The following PPP3CA variants were observed in gnomAD, a reference collection of about 807,000 sequenced individuals.
PPP3CA encodes protein phosphatase 3 catalytic subunit alpha, also known as CAM-PRP catalytic subunit.
A neutral mutation model predicts 66.5 loss-of-function variants in PPP3CA; 14 were observed. The observed-to-expected ratio is 0.21, with a 90% confidence interval of 0.14 to 0.33. PPP3CA has a LOEUF of 0.33. Ranked by LOEUF, PPP3CA falls within the 10% of genes least tolerant of loss-of-function variation. The pLI is 1.00. For synonymous variants in PPP3CA, 232 were observed against 226.2 expected, an observed-to-expected ratio of 1.03 and a Z score of -0.23; for missense variants, 317 against 639.5, an observed-to-expected ratio of 0.50 and a Z score of 5.44.
chr4:101,216,361 C>T (rs1451353702), intron 1 of PPP3CA, among the ~76,000 whole-genome samples: 2 of 152,074 alleles, frequency 1.3e-5, no homozygotes, highest in Non-Finnish European at 2.9e-5. Context: ...CATAATTATA[C>T]ACTTTTGAAT....
intron 2 of PPP3CA, among the ~76,000 whole-genome samples, chr4:101,157,139 GT>G (rs1427582481): frequency 6.6e-6 from 1 of 152,186 alleles, no homozygotes; most frequent in Admixed American, 6.5e-5. Flanking sequence ...TCTCAGGGAA[GT>G]ATGGTTTGTC....
At chr4:101,232,813 T>A (rs1202400478) in intron 1 of PPP3CA, among the ~76,000 whole-genome samples, 1 of 151,792 alleles carries the variant, frequency 6.6e-6, no homozygotes. Flanking sequence ...GTTCTTTTAT[T>A]CTGAAAATGT....
chr4:101,345,151 G>T (rs1421723656), intron 1 of PPP3CA, among the ~76,000 whole-genome samples: 1 of 152,136 alleles, frequency 6.6e-6, no homozygotes, highest in Admixed American at 6.5e-5. Context: ...ATTTTCATGG[G>T]TATATGAATC....
chr4:101,173,415 A>G (rs914379503), intron 2 of PPP3CA, among the ~76,000 whole-genome samples: 29 of 152,212 alleles, frequency 1.9e-4, no homozygotes, highest in South Asian at 1.5e-3. Context: ...TTTTTTTTCA[A>G]ACAGCAAAGT....
chr4:101,244,093 C>T (rs750735756), intron 1 of PPP3CA, among the ~76,000 whole-genome samples: 2 of 152,096 alleles, frequency 1.3e-5, no homozygotes, highest in Non-Finnish European at 2.9e-5. Flanking sequence ...ATCATATCTT[C>T]CAAATATTTG....
chr4:101,026,119 C>T (rs747081879), intron 13 of PPP3CA, 58 bp from the exon 14 acceptor site: 25 of 1,416,166 alleles, frequency 1.8e-5, no homozygotes, highest in Non-Finnish European at 2.2e-5. Flanking sequence ...AAACAAAGGG[C>T]ACAGCTGTTG....
intron 1 of PPP3CA, among the ~76,000 whole-genome samples, chr4:101,212,481 G>A (rs1375050924): frequency 6.6e-6 from 1 of 152,076 alleles, no homozygotes; most frequent in African/African-American, 2.4e-5. Flanking sequence ...TTAGGGGAGG[G>A]AGAGCATCAG....
chr4:101,137,884 CAAA>C (rs34286966), intron 2 of PPP3CA, among the ~76,000 whole-genome samples: 1 of 121,116 alleles, frequency 8.3e-6, no homozygotes, highest in Non-Finnish European at 1.9e-5. Context: ...TGTCAGTCCA[CAAA>C]AAAAAAAAAA....
chr4:101,093,409 T>TG (rs1238696133), intron 6 of PPP3CA, among the ~76,000 whole-genome samples: 4 of 151,748 alleles, frequency 2.6e-5, no homozygotes, highest in African/African-American at 9.7e-5. Flanking sequence ...TACATTTGTT[T>TG]TTTTTTTTTT....
chr4:101,032,420 AG>A (rs1358613593), intron 11 of PPP3CA, 56 bp from the exon 12 acceptor site: 5 of 1,454,830 alleles, frequency 3.4e-6, no homozygotes, highest in Non-Finnish European at 4.8e-6. Context: ...TGAAAAAGAA[AG>A]AAATGACTGA....
chr4:101,248,695 C>G (rs1726570848), intron 1 of PPP3CA, among the ~76,000 whole-genome samples: 1 of 152,106 alleles, frequency 6.6e-6, no homozygotes, highest in African/African-American at 2.4e-5. Context: ...CCTCTTTTCC[C>G]AAAGGTACTA....
At chr4:101,343,962 G>A (rs1729900838) in intron 1 of PPP3CA, among the ~76,000 whole-genome samples, 1 of 152,016 alleles carries the variant, frequency 6.6e-6, no homozygotes, top group Non-Finnish European at 1.5e-5. Flanking sequence ...GTAAGCAAAT[G>A]CCATGGCATG....
intron 8 of PPP3CA, among the ~76,000 whole-genome samples, chr4:101,076,770 C>T (rs528139605): frequency 6.6e-5 from 10 of 152,286 alleles, no homozygotes; most frequent in African/African-American, 1.9e-4. Flanking sequence ...AATTTTCCTG[C>T]GAGCTTCTGT....
At chr4:101,292,723 T>C (rs1219906170) in intron 1 of PPP3CA, among the ~76,000 whole-genome samples, 2 of 152,194 alleles carry the variant, frequency 1.3e-5, no homozygotes, top group African/African-American at 2.4e-5. Context: ...CTTTTGGTCC[T>C]TAGGATAGGG....
At chr4:101,033,852 A>G (rs1454504892) in intron 11 of PPP3CA, among the ~76,000 whole-genome samples, 1 of 152,176 alleles carries the variant, frequency 6.6e-6, no homozygotes, top group East Asian at 1.9e-4. Context: ...TGGACATTTC[A>G]TATAAATAAA....
chr4:101,124,791 GAAA>G (rs1560614719), intron 2 of PPP3CA, among the ~76,000 whole-genome samples: 6 of 121,322 alleles, frequency 4.9e-5, no homozygotes, highest in African/African-American at 2.3e-4. Flanking sequence ...AAGAAAGAAA[GAAA>G]GAAAGAGAAA....
chr4:101,261,741 C>T (rs1315557376), intron 1 of PPP3CA, among the ~76,000 whole-genome samples: 1 of 151,982 alleles, frequency 6.6e-6, no homozygotes, highest in Non-Finnish European at 1.5e-5. Context: ...TAACTGTGAG[C>T]TCTGCAAATT....
chr4:101,243,490 A>C (rs1445750846), intron 1 of PPP3CA, among the ~76,000 whole-genome samples: 1 of 152,152 alleles, frequency 6.6e-6, no homozygotes, highest in Non-Finnish European at 1.5e-5. Context: ...GAAAAAAAAC[A>C]GCAACTATAC....
At chr4:101,049,576 A>G (rs1451495641) in intron 10 of PPP3CA, among the ~76,000 whole-genome samples, 1 of 152,084 alleles carries the variant, frequency 6.6e-6, no homozygotes, top group Non-Finnish European at 1.5e-5. Flanking sequence ...CTTGACATGG[A>G]TGAGGATATA....
Sources: allele counts gnomAD v4.1 joint callset (sites outside exome capture counted in the v4.1 genomes callset), GRCh38; gene constraint gnomAD v4.1.1; transcripts MANE v1.5; gene names NCBI Gene and HGNC (gene_info 2026-07-23, HGNC 2026-07-21).